The following PTPRG variants were observed in gnomAD, a reference collection of about 807,000 sequenced individuals.
PTPRG encodes the protein protein tyrosine phosphatase receptor type G.
A neutral mutation model predicts 165.3 loss-of-function variants in PTPRG; 102 were observed. The ratio of observed to expected loss-of-function variants is 0.62; its 90% CI spans 0.53 to 0.73. The LOEUF (loss-of-function observed/expected upper bound fraction) is 0.73. Ranked by LOEUF, PTPRG falls within the 30% of genes least tolerant of loss-of-function variation. PTPRG has a pLI of 0.00. For synonymous variants in PTPRG, 675 were observed against 669.5 expected (o/e 1.01, Z -0.13); for missense variants, 1,866 against 1,861.4 (o/e 1.00, Z -0.05).
chr3:61,747,296 C>G (rs1387031919), intron 1 of PTPRG, among the ~76,000 whole-genome samples: 1 of 85,652 alleles, frequency 1.2e-5, no homozygotes, highest in Non-Finnish European at 2.4e-5. Context: ...ACATTTATTA[C>G]TAACATAGCA....
At chr3:62,225,862 C>T (rs1461499766) in intron 13 of PTPRG, among the ~76,000 whole-genome samples, 1 of 151,890 alleles carries the variant, frequency 6.6e-6, no homozygotes, top group Non-Finnish European at 1.5e-5. Context: ...CCATGTTGGC[C>T]AGGCTAGTCT....
At chr3:61,613,084 A>G (rs1701218146) in intron 1 of PTPRG, among the ~76,000 whole-genome samples, 1 of 152,184 alleles carries the variant, frequency 6.6e-6, no homozygotes, top group Admixed American at 6.5e-5. Context: ...AAGAACATTT[A>G]TTTCTCCATA....
intron 1 of PTPRG, among the ~76,000 whole-genome samples, chr3:61,599,018 A>G (rs1035212042): frequency 1.3e-5 from 2 of 152,168 alleles, no homozygotes; most frequent in Non-Finnish European, 2.9e-5. Context: ...TCAATTCAAC[A>G]CATACAGATG....
At chr3:61,914,241 T>G (rs766412140) in intron 2 of PTPRG, among the ~76,000 whole-genome samples, 6 of 152,354 alleles carry the variant, frequency 3.9e-5, no homozygotes, top group African/African-American at 1.4e-4. Flanking sequence ...TACACTTGAC[T>G]TAAGCGTTTC....
chr3:62,239,532 C>A (rs188052573), intron 14 of PTPRG, among the ~76,000 whole-genome samples: 48 of 151,566 alleles, frequency 3.2e-4, no homozygotes, highest in African/African-American at 1.1e-3. Flanking sequence ...ACCACACCTG[C>A]CTAATTTTTG....
chr3:62,185,876 C>A (rs62243867), intron 8 of PTPRG, among the ~76,000 whole-genome samples: 3,835 of 152,254 alleles, frequency 0.025, 69 homozygotes, highest in Non-Finnish European at 0.041. Context: ...TTTACAGATG[C>A]GGACACAGGA....
chr3:61,672,792 G>GGA (rs1313557305), intron 1 of PTPRG, among the ~76,000 whole-genome samples: 2 of 147,220 alleles, frequency 1.4e-5, no homozygotes, highest in African/African-American at 2.6e-5. Flanking sequence ...GGAGAGAGAG[G>GGA]GAGAGAGGGG....
At chr3:61,991,434 G>C (rs1430952527) in intron 3 of PTPRG, among the ~76,000 whole-genome samples, 1 of 152,126 alleles carries the variant, frequency 6.6e-6, no homozygotes, top group African/African-American at 2.4e-5. Context: ...TCGAACTCCT[G>C]ACCTCAGGTG....
intron 6 of PTPRG, among the ~76,000 whole-genome samples, chr3:62,144,766 C>T (rs907109877): frequency 1.3e-5 from 2 of 152,202 alleles, no homozygotes; most frequent in Non-Finnish European, 2.9e-5. Context: ...GCTATTTCCA[C>T]TTCTTTTCTT....
At chr3:61,600,325 C>T (rs1166785538) in intron 1 of PTPRG, among the ~76,000 whole-genome samples, 1 of 151,774 alleles carries the variant, frequency 6.6e-6, no homozygotes, top group African/African-American at 2.4e-5. Flanking sequence ...TCCCAGTCAC[C>T]TGCATGAAGA....
intron 2 of PTPRG, among the ~76,000 whole-genome samples, chr3:61,767,645 T>C (rs935975166): frequency 2.0e-5 from 3 of 152,212 alleles, no homozygotes; most frequent in East Asian, 1.9e-4. Context: ...TGGTGGACTA[T>C]AGAATGCTTT....
intron 1 of PTPRG, among the ~76,000 whole-genome samples, chr3:61,572,626 T>G (rs1166821146): frequency 6.6e-6 from 1 of 152,186 alleles, no homozygotes; most frequent in Admixed American, 6.5e-5. Context: ...GGTGCTGTTC[T>G]AGGCACTGGG....
chr3:62,135,117 T>TA (rs1199296596), intron 6 of PTPRG, among the ~76,000 whole-genome samples: 11 of 151,102 alleles, frequency 7.3e-5, no homozygotes, highest in Non-Finnish European at 4.4e-5. Context: ...TACAAAAAAA[T>TA]ACAAAAATTA....
chr3:61,818,829 AAAT>A (rs2035868832), intron 2 of PTPRG, among the ~76,000 whole-genome samples: 3 of 93,810 alleles, frequency 3.2e-5, no homozygotes, highest in South Asian at 8.1e-4. Flanking sequence ...CTTTAAAGTG[AAAT>A]AGTGAAATAG....
intron 4 of PTPRG, among the ~76,000 whole-genome samples, chr3:62,069,073 T>A (rs1701116077): frequency 6.6e-6 from 1 of 152,228 alleles, no homozygotes; most frequent in Non-Finnish European, 1.5e-5. Flanking sequence ...CTTCTTGGGA[T>A]GTTGGCTAGC....
At chr3:61,968,106 G>A (rs1345026365) in intron 2 of PTPRG, among the ~76,000 whole-genome samples, 3 of 152,146 alleles carry the variant, frequency 2.0e-5, no homozygotes, top group African/African-American at 7.2e-5. Context: ...TAATGCTTCT[G>A]ACATTAAGCT....
intron 1 of PTPRG, among the ~76,000 whole-genome samples, chr3:61,647,819 C>T (rs1359152018): frequency 8.0e-6 from 1 of 125,542 alleles, no homozygotes; most frequent in South Asian, 2.9e-4. Flanking sequence ...AAAGAGTTAG[C>T]AATTCAAACT....
intron 5 of PTPRG, among the ~76,000 whole-genome samples, chr3:62,086,168 C>T (rs1466432561): frequency 6.6e-6 from 1 of 152,034 alleles, no homozygotes; most frequent in Non-Finnish European, 1.5e-5. Flanking sequence ...ATAATTCATT[C>T]CTTTTATTTA....
intron 2 of PTPRG, among the ~76,000 whole-genome samples, chr3:61,834,673 C>T (rs933682748): frequency 7.9e-5 from 12 of 152,112 alleles, no homozygotes; most frequent in African/African-American, 2.2e-4. Flanking sequence ...ATTAGCTGGG[C>T]ATGGTGGCGT....
Sources: gnomAD v4.1 joint callset for allele counts (sites outside exome capture counted in the v4.1 genomes callset) on GRCh38, gnomAD v4.1.1 for gene constraint, MANE v1.5 for transcripts, NCBI Gene and HGNC (gene_info 2026-07-23, HGNC 2026-07-21) for gene names.